The following ENPP6 variants were observed in gnomAD, a reference collection of about 807,000 sequenced individuals.
The protein encoded by ENPP6 is glycerophosphocholine cholinephosphodiesterase ENPP6.
Under a neutral mutation model 42.0 loss-of-function variants are expected in ENPP6, and 32 were observed. That is an observed-to-expected ratio of 0.76 (90% CI 0.58 to 1.02). The LOEUF (loss-of-function observed/expected upper bound fraction) is 1.02. Among genes scored for constraint, ENPP6 ranks in the 50% least tolerant of loss-of-function variants. ENPP6 has a pLI of 0.00. For synonymous variants in ENPP6, 213 were observed against 216.0 expected (o/e 0.99, Z 0.12); for missense variants, 552 against 566.8 (o/e 0.97, Z 0.27).
intron 1 of ENPP6, 79 bp from the exon 2 acceptor site, chr4:184,153,812 C>T: frequency 6.7e-7 from 1 of 1,492,662 alleles, no homozygotes; most frequent in Non-Finnish European, 9.1e-7. Context: ...ATCATATAAG[C>T]CATTCGTGCT....
At chr4:184,135,870 T>C (rs113284572) in intron 2 of ENPP6, among the ~76,000 whole-genome samples, 1,545 of 152,302 alleles carry the variant, frequency 0.01, 22 homozygotes, top group South Asian at 0.04. Context: ...TTCACCTGTT[T>C]TGAATTTTAT....
intron 2 of ENPP6, among the ~76,000 whole-genome samples, chr4:184,136,928 C>T (rs930680516): frequency 6.6e-6 from 1 of 152,158 alleles, no homozygotes; most frequent in East Asian, 1.9e-4. Context: ...CTGCTGTGAC[C>T]CCTTCACTAT....
chr4:184,210,294 A>C (rs1733087050), intron 1 of ENPP6, among the ~76,000 whole-genome samples: 1 of 147,014 alleles, frequency 6.8e-6, no homozygotes, highest in Non-Finnish European at 1.5e-5. Flanking sequence ...AGACTGGCAA[A>C]TTGGATAAAG....
At chr4:184,213,535 A>G (rs879538898) in intron 1 of ENPP6, among the ~76,000 whole-genome samples, 16,759 of 151,556 alleles carry the variant, frequency 0.11, 930 homozygotes, top group Middle Eastern at 0.13. Flanking sequence ...CAAAACCACA[A>G]TGAGATACCA....
In ENPP6 at chr4:184,124,169, G is replaced by A. The variant is rs973662327; in HGVS notation, c.525C>T (p.Asp175=). ...GAGTTTGGGACACTTACTTGAAGGAGTCAAGAGCATCGCTGACTGCATTGG... is the reference window on the plus strand; with the variant it reads ...GAGTTTGGGACACTTACTTGAAGGAATCAAGAGCATCGCTGACTGCATTGG... The part of the protein sequence containing the change: ...NFANAVSDAL[D]SFKSGRADLA... The change falls in exon 3 of 8, where the codon GAC becomes GAT. Residue 175 remains aspartate (D), a synonymous_variant. Coordinates refer to ENST00000296741, the MANE Select transcript of ENPP6 (RefSeq NM_153343.4). The A allele has an allele frequency of 3.1e-6, 5 of 1,613,390 alleles. No individual in the cohort carries two copies. The highest frequency in any genetic ancestry group is 4.5e-5 in the East Asian group (2 of 44,864).
Position 184,153,619 on chromosome 4 carries a change from C to T in ENPP6, c.356G>A (p.Gly119Glu), listed in dbSNP as rs574522605. Residue 119 changes from glycine to glutamate, a missense_variant, in exon 2 of 8, where the codon GGA becomes GAA. Gly to Glu is a moderately conservative substitution (Grantham distance 98). This residue lies in a region of ENPP6 where 545 missense variants were observed against 546.3 expected (regional missense o/e 1.00). Coordinates refer to ENST00000296741, the MANE Select transcript of ENPP6 (RefSeq NM_153343.4). ...CAGAGTGACCCACAGAGGTTCTGAT[C>T]CATTCCACCAGAGAGGCATTAGGCT... is the stretch of plus-strand genomic sequence containing the variant. ...KDSLMPLWWN[G>E]SEPLWVTLTK... 3 of 1,614,182 alleles carry T rather than the reference C, an allele frequency of 1.9e-6. No individual in the cohort carries two copies. In the African/African-American group the frequency reaches 4.0e-5, roughly 22 times the overall value.
Position 184,206,664 on chromosome 4 carries a change from A to T in ENPP6, c.241+10915T>A, listed in dbSNP as rs558773891. Among the ~76,000 whole-genome samples the T allele has an allele frequency of 3.3e-5, 5 of 152,062 alleles. No individual in the cohort carries two copies. In the East Asian group the frequency reaches 9.7e-4, roughly 29 times the overall value. On this transcript the variant is annotated intron_variant, in intron 1 of 7. Coordinates refer to ENST00000296741, the MANE Select transcript of ENPP6 (RefSeq NM_153343.4). Reference sequence around the variant, plus strand: ...TTGGTCCAGTTTTAATTTAAATCAGATGTTTTCTTAAAAGGTGGGGTGGTA... The same window carrying T: ...TTGGTCCAGTTTTAATTTAAATCAGTTGTTTTCTTAAAAGGTGGGGTGGTA...
chr4:184,133,161 T>TCA (rs66979248), intron 2 of ENPP6, among the ~76,000 whole-genome samples: 1,885 of 139,904 alleles, frequency 0.013, 16 homozygotes, highest in African/African-American at 0.022. Context: ...ACCTGTCAAT[T>TCA]CACACACACA....
intron 5 of ENPP6, among the ~76,000 whole-genome samples, chr4:184,114,785 A>G (rs1359861519): frequency 2.0e-5 from 3 of 152,208 alleles, no homozygotes; most frequent in Admixed American, 6.5e-5. Context: ...AAAAAAGAAA[A>G]AAAGAAAAAA....
chr4:184,093,286 C>T (rs111946135), intron 7 of ENPP6, among the ~76,000 whole-genome samples: 5 of 152,022 alleles, frequency 3.3e-5, no homozygotes, highest in Non-Finnish European at 7.4e-5. Context: ...GTTTACTTTT[C>T]TTCAGGGGCA....
chr4:184,164,436 G>T (rs1737317615), intron 1 of ENPP6, among the ~76,000 whole-genome samples: 1 of 152,140 alleles, frequency 6.6e-6, no homozygotes, highest in Admixed American at 6.5e-5. Context: ...TTCTTAGGGT[G>T]GGCCCTAATC....
chr4:184,168,168 C>T (rs1417122196), intron 1 of ENPP6, among the ~76,000 whole-genome samples: 1 of 152,124 alleles, frequency 6.6e-6, no homozygotes, highest in African/African-American at 2.4e-5. Flanking sequence ...CGACTCATTC[C>T]ACTTTATTGA....
intron 2 of ENPP6, among the ~76,000 whole-genome samples, chr4:184,138,495 G>T (rs1387783640): frequency 6.6e-6 from 1 of 151,860 alleles, no homozygotes; most frequent in Non-Finnish European, 1.5e-5. Context: ...TCAATATTTT[G>T]AACCATCTGT....
At chr4:184,119,411 C>T (rs1736378471) in intron 3 of ENPP6, among the ~76,000 whole-genome samples, 1 of 151,594 alleles carries the variant, frequency 6.6e-6, no homozygotes, top group Non-Finnish European at 1.5e-5. Context: ...CCTGGTTCCC[C>T]TCAGCAAGAA....
At chr4:184,135,685 A>G (rs1736719854) in intron 2 of ENPP6, among the ~76,000 whole-genome samples, 1 of 87,942 alleles carries the variant, frequency 1.1e-5, no homozygotes, top group South Asian at 3.7e-4. Flanking sequence ...GGTGCAAAAA[A>G]GTGAATAATT....
Position 184,112,768 on chromosome 4 carries a change from G to T in ENPP6, c.897C>A (p.Tyr299Ter), listed in dbSNP as rs200617400. 1.9e-6 allele frequency: 3 copies of T among 1,614,042 alleles called. No individual in the cohort carries two copies. The highest frequency in any genetic ancestry group is 1.7e-6 in the Non-Finnish European group (2 of 1,180,010). Reference sequence around the variant, plus strand: ...ACCTGCTTGGGATGGCTTCTTTCTCGTAGACAGTCATGTGTTCCACTGTGC... The same window carrying T: ...ACCTGCTTGGGATGGCTTCTTTCTCTTAGACAGTCATGTGTTCCACTGTGC... The part of the protein sequence containing the change: ...KLSTVEHMTV[Y>*]EKEAIPSRFY... Residue 299 changes from tyrosine to a stop codon, truncating the protein, a stop_gained, in exon 6 of 8, where the codon TAC becomes TAA. Transcript: ENST00000296741. LOFTEE classifies it high-confidence loss of function.
intron 2 of ENPP6, among the ~76,000 whole-genome samples, chr4:184,127,609 T>C (rs1736525560): frequency 6.6e-6 from 1 of 152,078 alleles, no homozygotes; most frequent in Non-Finnish European, 1.5e-5. Flanking sequence ...AATATAAAAC[T>C]AGCCAGGCGT....
At chr4:184,204,937 A>AT (rs987870015) in intron 1 of ENPP6, among the ~76,000 whole-genome samples, 31 of 150,214 alleles carry the variant, frequency 2.1e-4, no homozygotes, top group Admixed American at 5.3e-4. Flanking sequence ...CGCTATAGTA[A>AT]TTTTTTTTTT....
At chr4:184,179,818 A>G (rs1428384795) in intron 1 of ENPP6, among the ~76,000 whole-genome samples, 1 of 152,234 alleles carries the variant, frequency 6.6e-6, no homozygotes, top group Non-Finnish European at 1.5e-5. Context: ...GTTCTTTGAA[A>G]CCAATGAGAA....
Sources: gnomAD v4.1 joint callset for allele counts (sites outside exome capture counted in the v4.1 genomes callset) on GRCh38, gnomAD v4.1.1 for gene constraint, gnomAD v4.1.1 regional missense constraint, MANE v1.5 for transcripts, NCBI Gene and HGNC (gene_info 2026-07-23, HGNC 2026-07-21) for gene names.